The following HPSE2 variants were observed in gnomAD, a reference collection of about 807,000 sequenced individuals.
HPSE2 encodes inactive heparanase-2.
A neutral mutation model predicts 60.5 loss-of-function variants in HPSE2; 38 were observed. The ratio of observed to expected loss-of-function variants is 0.63; its 90% CI spans 0.48 to 0.82. The LOEUF is 0.82. Among genes scored for constraint, HPSE2 ranks in the 40% least tolerant of loss-of-function variants. HPSE2 has a pLI of 0.00. For missense variants in HPSE2, 713 were observed against 740.4 expected, an observed-to-expected ratio of 0.96 and a Z score of 0.43; for synonymous variants, 295 against 293.2, an observed-to-expected ratio of 1.01 and a Z score of -0.06.
rs183260174 is a variant in HPSE2 at position 99,051,289 on chromosome 10, A to G, written c.610+92949T>C. On this transcript the variant is annotated intron_variant, in intron 3 of 11. Coordinates refer to ENST00000370552, the MANE Select transcript of HPSE2 (RefSeq NM_021828.5). ...CAGAGTGCAATATTTGCTTTACTGC[A>G]ATGGTCTGGAACAGAACCTGCAATA... 2.6e-5 allele frequency among the ~76,000 whole-genome samples: 4 copies of G among 152,276 alleles called. No individual in the cohort carries two copies. In the East Asian group the frequency reaches 7.7e-4, roughly 29 times the overall value.
intron 3 of HPSE2, among the ~76,000 whole-genome samples, chr10:98,977,675 C>T (rs935915334): frequency 6.6e-6 from 1 of 152,034 alleles, no homozygotes; most frequent in Non-Finnish European, 1.5e-5. Flanking sequence ...ACACTGTCTT[C>T]CATAGTGTCT....
At chr10:98,511,276 G>C (rs1942384500) in intron 9 of HPSE2, among the ~76,000 whole-genome samples, 1 of 151,738 alleles carries the variant, frequency 6.6e-6, no homozygotes, top group Admixed American at 6.6e-5. Context: ...TTAGCCTCCA[G>C]AGTAGCTGGG....
chr10:99,277,853 T>C, the HPSE2 span, among the ~76,000 whole-genome samples: 1 of 152,058 alleles, frequency 6.6e-6, no homozygotes, highest in Non-Finnish European at 1.5e-5. Flanking sequence ...ATCCCAGCAC[T>C]TTGGGAGGCC....
Position 98,936,551 on chromosome 10 carries a change from C to A in HPSE2, c.611-192495G>T, listed in dbSNP as rs548334582. 9.8e-4 allele frequency among the ~76,000 whole-genome samples: 141 copies of A among 143,676 alleles called. 28 individuals are homozygous for A. Among genetic ancestry groups the A allele is most frequent in the African/African-American group, 3.8e-3 (134 of 35,314 alleles). 94.3% of individuals were successfully genotyped at this position (143,676 alleles called of 152,430 possible). A position where few individuals can be genotyped will look rare whatever the true frequency, so the allele number is the denominator to read the frequency against. The stretch of plus-strand genomic sequence containing the variant: ...CTGGAGAAGGGAGGTGCCCCCAACT[C>A]CGTGCACTTCCCAGGTGAAGTGACG... On this transcript the variant is annotated intron_variant, in intron 3 of 11. Coordinates refer to ENST00000370552, the MANE Select transcript of HPSE2 (RefSeq NM_021828.5).
chr10:99,131,183 A>C (rs961812900), intron 3 of HPSE2, among the ~76,000 whole-genome samples: 2 of 152,212 alleles, frequency 1.3e-5, no homozygotes. Context: ...CATAGAAGGC[A>C]CATACCTCAA....
At chr10:98,708,757 G>T (rs1948607994) in intron 5 of HPSE2, among the ~76,000 whole-genome samples, 1 of 152,160 alleles carries the variant, frequency 6.6e-6, no homozygotes, top group Admixed American at 6.5e-5. Flanking sequence ...ATTCTAGCAA[G>T]ATGACCAAAC....
At chr10:99,003,702 T>A (rs1359400158) in intron 3 of HPSE2, among the ~76,000 whole-genome samples, 1 of 152,130 alleles carries the variant, frequency 6.6e-6, no homozygotes, top group South Asian at 2.1e-4. Context: ...TGAGTTGAGT[T>A]CCTTACACAT....
chr10:98,847,069 T>C (rs1048140396), intron 3 of HPSE2, among the ~76,000 whole-genome samples: 4 of 152,322 alleles, frequency 2.6e-5, no homozygotes, highest in South Asian at 2.1e-4. Flanking sequence ...CCTGGCATTG[T>C]CTGGCACAGT....
At chr10:98,807,196 G>T (rs186551468) in intron 3 of HPSE2, among the ~76,000 whole-genome samples, 4 of 152,230 alleles carry the variant, frequency 2.6e-5, no homozygotes, top group African/African-American at 9.6e-5. Context: ...GCATCACTCA[G>T]CTTCAATATT....
chr10:98,498,288 G>A (rs1301002489), intron 9 of HPSE2, among the ~76,000 whole-genome samples: 6 of 152,146 alleles, frequency 3.9e-5, no homozygotes, highest in African/African-American at 1.4e-4. Flanking sequence ...GGTATCCATG[G>A]CTGAGGGACC....
chr10:98,635,402 G>T (rs1314112997), intron 7 of HPSE2, among the ~76,000 whole-genome samples: 3 of 152,154 alleles, frequency 2.0e-5, no homozygotes, highest in Non-Finnish European at 4.4e-5. Context: ...AAGAAAATAA[G>T]TATGCCAAAG....
chr10:99,151,221 C>T (rs1589735701), intron 2 of HPSE2, among the ~76,000 whole-genome samples: 1 of 146,424 alleles, frequency 6.8e-6, no homozygotes, highest in Admixed American at 6.8e-5. Context: ...GGCCAGTTTC[C>T]AATAAAATAT....
chr10:99,259,410 G>A, the HPSE2 span, among the ~76,000 whole-genome samples: 1 of 151,334 alleles, frequency 6.6e-6, no homozygotes, highest in Non-Finnish European at 1.5e-5. Flanking sequence ...CTTGTATACA[G>A]GATACATAAA....
intron 3 of HPSE2, among the ~76,000 whole-genome samples, chr10:99,028,682 T>G (rs531827633): frequency 2.6e-4 from 40 of 152,238 alleles, no homozygotes; most frequent in Middle Eastern, 3.4e-3. Flanking sequence ...GGCAAAGCTA[T>G]CCTAAGCAAA....
intron 2 of HPSE2, among the ~76,000 whole-genome samples, chr10:99,153,126 T>C (rs1846352987): frequency 6.6e-6 from 1 of 152,174 alleles, no homozygotes; most frequent in South Asian, 2.1e-4. Context: ...CGCTGATTGC[T>C]AGCACAGCAG....
rs1322545483 is a variant in HPSE2, at chr10:98,760,080, G to C, written c.611-16024C>G. ...TTTTAAAAAATATCATTTTCAGATA[G>C]CTTGTTGTTAATATATATAAGCACT... On this transcript the variant is annotated intron_variant, in intron 3 of 11. Transcript: ENST00000370552. Among the ~76,000 whole-genome samples the C allele has an allele frequency of 2.0e-5, 3 of 151,994 alleles. No individual in the cohort carries two copies. In the East Asian group the frequency reaches 5.8e-4, roughly 29 times the overall value.
At chr10:98,802,296 T>C (rs1950929008) in intron 3 of HPSE2, among the ~76,000 whole-genome samples, 1 of 44,568 alleles carries the variant, frequency 2.2e-5, no homozygotes, top group Middle Eastern at 9.6e-3. Flanking sequence ...AATTTTCTCT[T>C]TTTATTTTTT....
intron 9 of HPSE2, among the ~76,000 whole-genome samples, chr10:98,614,364 C>G (rs1437452477): frequency 6.6e-6 from 1 of 150,928 alleles, no homozygotes; most frequent in African/African-American, 2.4e-5. Context: ...ACCATCTCGG[C>G]TCACTGCAAG....
At chr10:99,015,674 G>A (rs557715420) in intron 3 of HPSE2, among the ~76,000 whole-genome samples, 1 of 151,960 alleles carries the variant, frequency 6.6e-6, no homozygotes, top group Non-Finnish European at 1.5e-5. Context: ...GTTGTGGGGT[G>A]GGGGGAGAGG....
Sources: gnomAD v4.1 joint callset for allele counts (sites outside exome capture counted in the v4.1 genomes callset) on GRCh38, gnomAD v4.1.1 for gene constraint, MANE v1.5 for transcripts, NCBI Gene and HGNC (gene_info 2026-07-23, HGNC 2026-07-21) for gene names.